Variants in CDKAL1 observed in about 807,000 individuals in gnomAD.
The protein encoded by CDKAL1 is CDKAL1 threonylcarbamoyladenosine tRNA methylthiotransferase.
CDKAL1 carries 32 observed loss-of-function variants against 68.2 expected under a neutral mutation model. The observed-to-expected ratio is 0.47, with a 90% CI of 0.35 to 0.63. The LOEUF (loss-of-function observed/expected upper bound fraction) is 0.63. Among genes scored for constraint, CDKAL1 ranks in the 30% least tolerant of loss-of-function variants. The pLI, the probability that CDKAL1 is intolerant of heterozygous loss-of-function variation, is 0.00. For synonymous variants in CDKAL1, 234 were observed against 244.3 expected (o/e 0.96, Z 0.39); for missense variants, 606 against 696.7 (o/e 0.87, Z 1.47).
At chr6:20,933,246 C>A (rs912503294) in intron 9 of CDKAL1, among the ~76,000 whole-genome samples, 1 of 152,188 alleles carries the variant, frequency 6.6e-6, no homozygotes, top group Admixed American at 6.5e-5. Context: ...GAAAACAATA[C>A]CCTTTGCTTC....
intron 5 of CDKAL1, among the ~76,000 whole-genome samples, chr6:20,715,940 A>G (rs931163851): frequency 6.6e-6 from 1 of 152,132 alleles, no homozygotes; most frequent in African/African-American, 2.4e-5. Context: ...ATATGGATTT[A>G]TTTTACTATT....
chr6:21,050,642 C>A (rs1770491553), intron 11 of CDKAL1, among the ~76,000 whole-genome samples: 1 of 152,052 alleles, frequency 6.6e-6, no homozygotes, highest in African/African-American at 2.4e-5. Flanking sequence ...AAAGACACCA[C>A]TCAAAGGTGG....
At chr6:20,993,248 A>G (rs1021169863) in intron 10 of CDKAL1, among the ~76,000 whole-genome samples, 1 of 152,210 alleles carries the variant, frequency 6.6e-6, no homozygotes, top group South Asian at 2.1e-4. Context: ...GATAAATTGT[A>G]TATGAATTAT....
chr6:20,987,368 C>G (rs990450820), intron 10 of CDKAL1, among the ~76,000 whole-genome samples: 5 of 151,114 alleles, frequency 3.3e-5, no homozygotes, highest in Non-Finnish European at 7.4e-5. Flanking sequence ...AAGTGATTGT[C>G]CTCAGCCTCC....
chr6:21,158,977 G>T (rs1776775464), intron 13 of CDKAL1, among the ~76,000 whole-genome samples: 1 of 151,888 alleles, frequency 6.6e-6, no homozygotes, highest in Non-Finnish European at 1.5e-5. Flanking sequence ...ATGAAGTTTT[G>T]TTGTGACAAA....
intron 5 of CDKAL1, among the ~76,000 whole-genome samples, chr6:20,719,880 G>A (rs1157260222): frequency 1.3e-5 from 2 of 152,012 alleles, no homozygotes; most frequent in African/African-American, 4.8e-5. Context: ...TTTTTCCCCT[G>A]CTTGTGCTTA....
intron 4 of CDKAL1, among the ~76,000 whole-genome samples, chr6:20,627,215 G>T (rs1047561486): frequency 1.4e-4 from 22 of 151,936 alleles, no homozygotes; most frequent in Admixed American, 1.3e-3. Flanking sequence ...TTGTCCTCTG[G>T]TGACCTAGAA....
At chr6:20,823,104 G>A (rs1162995494) in intron 8 of CDKAL1, among the ~76,000 whole-genome samples, 1 of 151,786 alleles carries the variant, frequency 6.6e-6, no homozygotes, top group Admixed American at 6.6e-5. Context: ...ACATATATAC[G>A]ACAGTTGATG....
intron 4 of CDKAL1, among the ~76,000 whole-genome samples, chr6:20,614,760 A>T (rs1352740329): frequency 6.6e-6 from 1 of 152,178 alleles, no homozygotes; most frequent in Non-Finnish European, 1.5e-5. Flanking sequence ...TGGACTTTCA[A>T]AAGATAATCA....
At chr6:21,131,610 C>T (rs945191663) in intron 13 of CDKAL1, among the ~76,000 whole-genome samples, 6 of 152,066 alleles carry the variant, frequency 3.9e-5, no homozygotes, top group Non-Finnish European at 7.4e-5. Flanking sequence ...AGACATGTTT[C>T]ATGAGAGAGG....
chr6:20,972,541 T>C (rs1408217939), intron 10 of CDKAL1, among the ~76,000 whole-genome samples: 1 of 152,262 alleles, frequency 6.6e-6, no homozygotes, highest in African/African-American at 2.4e-5. Flanking sequence ...AAACAACTTA[T>C]TTTCATTTCT....
intron 15 of CDKAL1, among the ~76,000 whole-genome samples, chr6:21,227,601 T>C (rs1420754164): frequency 1.3e-5 from 2 of 152,256 alleles, no homozygotes; most frequent in African/African-American, 4.8e-5. Context: ...TGGCAAATCT[T>C]GTGGCTGCAT....
chr6:21,075,035 T>C (rs549429617), intron 12 of CDKAL1, among the ~76,000 whole-genome samples: 31 of 152,208 alleles, frequency 2.0e-4, no homozygotes, highest in Admixed American at 5.9e-4. Context: ...AGTGAACATA[T>C]GTACAATTAT....
intron 4 of CDKAL1, among the ~76,000 whole-genome samples, chr6:20,555,812 C>T (rs983638474): frequency 9.2e-5 from 14 of 151,530 alleles, no homozygotes; most frequent in African/African-American, 2.7e-4. Context: ...TTAGTAGAGA[C>T]GGGGTTTCAC....
At chr6:20,793,013 A>G (rs989713155) in intron 8 of CDKAL1, among the ~76,000 whole-genome samples, 5 of 152,180 alleles carry the variant, frequency 3.3e-5, no homozygotes, top group African/African-American at 9.7e-5. Flanking sequence ...GGCTCATACA[A>G]TAATGGTGTA....
At chr6:21,076,340 T>G (rs778061114) in intron 12 of CDKAL1, among the ~76,000 whole-genome samples, 7 of 152,182 alleles carry the variant, frequency 4.6e-5, no homozygotes, top group Non-Finnish European at 1.0e-4. Flanking sequence ...TAGCTGCCAG[T>G]GGGTCAAGGA....
At chr6:21,072,181 C>T (rs1771811558) in intron 12 of CDKAL1, among the ~76,000 whole-genome samples, 1 of 152,160 alleles carries the variant, frequency 6.6e-6, no homozygotes, top group Non-Finnish European at 1.5e-5. Context: ...ATGCATCAGG[C>T]TCTGCGTATT....
At chr6:20,883,282 C>G (rs1040436693) in intron 9 of CDKAL1, among the ~76,000 whole-genome samples, 1 of 152,228 alleles carries the variant, frequency 6.6e-6, no homozygotes, top group African/African-American at 2.4e-5. Context: ...TTCTCTCATA[C>G]GTTGTCTTCC....
chr6:21,042,887 G>T (rs1176525849), intron 11 of CDKAL1, among the ~76,000 whole-genome samples: 2 of 152,058 alleles, frequency 1.3e-5, no homozygotes, highest in Admixed American at 1.3e-4. Flanking sequence ...TTTGTGATTT[G>T]TTTCTTTCTA....
Sources: allele counts gnomAD v4.1 joint callset (sites outside exome capture counted in the v4.1 genomes callset), GRCh38; gene constraint gnomAD v4.1.1; transcripts MANE v1.5; gene names NCBI Gene and HGNC (gene_info 2026-07-23, HGNC 2026-07-21).